The following ATP2C2 variants were observed in gnomAD, a reference collection of about 807,000 sequenced individuals.
The protein encoded by ATP2C2 is ATPase secretory pathway Ca2+ transporting 2.
ATP2C2 carries 171 observed loss-of-function variants against 110.8 expected under a neutral mutation model. That is an observed-to-expected ratio of 1.54 (90% CI 1.36 to 1.75). The LOEUF is 1.75. Among genes scored for constraint, ATP2C2 ranks in the 40% most tolerant of loss-of-function variants. The pLI is 0.00. For synonymous variants in ATP2C2, 804 were observed against 508.4 expected (o/e 1.58, Z -7.82); for missense variants, 1,963 against 1,235.0 (o/e 1.59, Z -8.84).
chr16:84,450,382 G>C (rs1029619021), intron 17 of ATP2C2, among the ~76,000 whole-genome samples: 6 of 152,130 alleles, frequency 3.9e-5, no homozygotes, highest in African/African-American at 1.4e-4. Flanking sequence ...TAGATCCCCT[G>C]GAGTGGCTTG....
intron 6 of ATP2C2, among the ~76,000 whole-genome samples, chr16:84,415,219 G>T (rs1418536022): frequency 6.6e-6 from 1 of 152,152 alleles, no homozygotes; most frequent in African/African-American, 2.4e-5. Context: ...CCTCCCTGGG[G>T]CATGTGGCCC....
At chr16:84,403,202 A>G (rs956587567) in intron 2 of ATP2C2, among the ~76,000 whole-genome samples, 3 of 151,830 alleles carry the variant, frequency 2.0e-5, no homozygotes, top group African/African-American at 7.3e-5. Context: ...AAGGTTTGTC[A>G]GTTTTGTTTA....
At chr16:84,435,351 G>A (rs1319503651) in intron 11 of ATP2C2, among the ~76,000 whole-genome samples, 2 of 152,228 alleles carry the variant, frequency 1.3e-5, no homozygotes, top group Non-Finnish European at 2.9e-5. Context: ...CTGATGAAAT[G>A]TGGTCTCTCT....
intron 1 of ATP2C2, among the ~76,000 whole-genome samples, chr16:84,377,892 C>A (rs992488999): frequency 3.9e-5 from 6 of 152,172 alleles, no homozygotes; most frequent in Admixed American, 2.0e-4. Context: ...CTGCCGTCTG[C>A]CCCAAGTCCT....
At chr16:84,424,036 A>G (rs1350402715) in intron 10 of ATP2C2, among the ~76,000 whole-genome samples, 1 of 152,148 alleles carries the variant, frequency 6.6e-6, no homozygotes, top group African/African-American at 2.4e-5. Context: ...GGATCAACCC[A>G]TGCCTGGCCC....
At chr16:84,425,963 G>A in intron 11 of ATP2C2, 162 bp downstream of exon 11, 2 of 755,350 alleles carry the variant, frequency 2.6e-6, no homozygotes, top group Non-Finnish European at 4.5e-6. Context: ...TTCTCCGACA[G>A]GTACAGAGTG....
chr16:84,368,929 G>A (rs935610008), intron 1 of ATP2C2, among the ~76,000 whole-genome samples: 3 of 152,230 alleles, frequency 2.0e-5, no homozygotes, highest in African/African-American at 7.2e-5. Context: ...AACCCATTTT[G>A]TGGTTGAGAA....
intron 1 of ATP2C2, among the ~76,000 whole-genome samples, chr16:84,393,437 C>T (rs1904779802): frequency 6.6e-6 from 1 of 152,060 alleles, no homozygotes; most frequent in East Asian, 1.9e-4. Flanking sequence ...AGCAAGCCCT[C>T]ACTTACAATG....
intron 1 of ATP2C2, among the ~76,000 whole-genome samples, chr16:84,396,748 A>G (rs1389918869): frequency 6.6e-6 from 1 of 151,696 alleles, no homozygotes; most frequent in African/African-American, 2.4e-5. Flanking sequence ...GTCTTGTGCA[A>G]TCCACATTTT....
At position 84,405,197 on chromosome 16, in the gene ATP2C2, T is replaced by C. The variant is rs1292732816; in HGVS notation, c.280T>C (p.Phe94Leu). 2 of 1,613,982 alleles carry C rather than the reference T, an allele frequency of 1.2e-6. No homozygotes were observed. The highest frequency in any genetic ancestry group is 3.3e-5 in the Admixed American group (2 of 60,008). Residue 94 changes from phenylalanine (F) to leucine (L), a missense_variant, in exon 3 of 27, where the codon TTT becomes CTT. Transcript: ENST00000262429. ...QRRLAHGWNE[F>L]VADNSEPVWK... is the part of the protein sequence containing the mutation. ...CCGGCTGGCCCATGGCTGGAATGAG[T>C]TTGTTGCTGACAACAGCGAACCTGT...
chr16:84,444,270 C>A (rs1909546150), intron 15 of ATP2C2, among the ~76,000 whole-genome samples: 1 of 147,374 alleles, frequency 6.8e-6, no homozygotes, highest in Admixed American at 6.8e-5. Context: ...GTCAGGAGTT[C>A]AAGACCAGCC....
In ATP2C2 at chr16:84,413,606, G is replaced by A. The variant is rs114114989; in HGVS notation, c.516-1877G>A. Among the ~76,000 whole-genome samples, 1,360 of 152,266 alleles carry A rather than the reference G, an allele frequency of 8.9e-3. 25 individuals are homozygous for A. Among genetic ancestry groups the A allele is most frequent in the African/African-American group, 0.031 (1,267 of 41,534 alleles). On this transcript the variant is annotated intron_variant, in intron 6 of 26. Coordinates refer to ENST00000262429, the MANE Select transcript of ATP2C2 (RefSeq NM_014861.4). Reference sequence around the variant, plus strand: ...ATCTTAAGCTTAAATATCGAGTCTTGGCCTTTCAGGTGAATAGCGTGCATT... The same window carrying A: ...ATCTTAAGCTTAAATATCGAGTCTTAGCCTTTCAGGTGAATAGCGTGCATT...
At chr16:84,373,822 G>A (rs17740111) in intron 1 of ATP2C2, among the ~76,000 whole-genome samples, 4 of 152,070 alleles carry the variant, frequency 2.6e-5, no homozygotes, top group African/African-American at 7.2e-5. Flanking sequence ...TTCATTCATC[G>A]TAAGTTCTGT....
intron 1 of ATP2C2, among the ~76,000 whole-genome samples, chr16:84,372,236 C>G (rs981783018): frequency 6.6e-6 from 1 of 152,158 alleles, no homozygotes; most frequent in Non-Finnish European, 1.5e-5. Flanking sequence ...AACATTAGAA[C>G]TGTGATAAAA....
intron 10 of ATP2C2, among the ~76,000 whole-genome samples, chr16:84,423,508 G>C (rs763904458): frequency 6.6e-6 from 1 of 152,198 alleles, no homozygotes; most frequent in African/African-American, 2.4e-5. Context: ...TGCTCACACC[G>C]CAGTCCAAAG....
chr16:84,427,068 A>C (rs1258950408), intron 11 of ATP2C2, among the ~76,000 whole-genome samples: 1 of 152,206 alleles, frequency 6.6e-6, no homozygotes, highest in Non-Finnish European at 1.5e-5. Flanking sequence ...GTGCCAGGAC[A>C]CGGAGGAACC....
intron 2 of ATP2C2, among the ~76,000 whole-genome samples, chr16:84,402,634 G>T (rs1043894450): frequency 2.0e-5 from 3 of 152,118 alleles, no homozygotes; most frequent in Non-Finnish European, 4.4e-5. Context: ...GCACCCTTGG[G>T]ATAAATTCCT....
At chr16:84,446,148 CTT>C (rs34605094) in intron 15 of ATP2C2, among the ~76,000 whole-genome samples, 179 bp from the exon 16 acceptor site, 29 of 143,616 alleles carry the variant, frequency 2.0e-4, no homozygotes, top group African/African-American at 4.1e-4. Context: ...AGAGAAGAGA[CTT>C]TTTTTTTTTT....
chr16:84,402,007 C>T (rs1243911937), intron 2 of ATP2C2, among the ~76,000 whole-genome samples: 1 of 152,116 alleles, frequency 6.6e-6, no homozygotes, highest in African/African-American at 2.4e-5. Context: ...CAGTTTCTTG[C>T]ATCAATGTTT....
Sources: gnomAD v4.1 joint callset for allele counts (sites outside exome capture counted in the v4.1 genomes callset) on GRCh38, gnomAD v4.1.1 for gene constraint, MANE v1.5 for transcripts, NCBI Gene and HGNC (gene_info 2026-07-23, HGNC 2026-07-21) for gene names.